Variants in DYNC1H1 observed in about 807,000 individuals in gnomAD.
DYNC1H1 encodes the protein dynein cytoplasmic 1 heavy chain 1.
In DYNC1H1, 51 loss-of-function variants were observed where a neutral mutation model predicts 527.1. That is an observed-to-expected ratio of 0.10 (90% CI 0.08 to 0.12). The LOEUF (loss-of-function observed/expected upper bound fraction) is 0.12. Ranked by LOEUF, DYNC1H1 falls within the 10% of genes least tolerant of loss-of-function variation. DYNC1H1 has a pLI of 1.00. For synonymous variants in DYNC1H1, 2,189 were observed against 2,278.8 expected, an observed-to-expected ratio of 0.96 and a Z score of 1.12; for missense variants, 2,771 against 5,971.8, an observed-to-expected ratio of 0.46 and a Z score of 17.66.
rs746916728 is a variant in DYNC1H1, at chr14:102,047,948, C to T, written c.13138C>T (p.Leu4380=). The T allele has an allele frequency of 3.7e-6, 6 of 1,613,230 alleles. No individual in the cohort carries two copies. The Admixed American group carries it at 1.0e-4, about 27-fold the overall frequency. Residue 4380 remains leucine (L), a synonymous_variant, in exon 73 of 78, where the codon CTG becomes TTG. Coordinates refer to ENST00000360184, the MANE Select transcript of DYNC1H1 (RefSeq NM_001376.5). Reference sequence around the variant, plus strand: ...CGGGCGCCCTGCCTGGATGCGGACACTGCACACCACCGCGTCCAACTGGCT... The same window carrying T: ...CGGGCGCCCTGCCTGGATGCGGACATTGCACACCACCGCGTCCAACTGGCT... ...SDGRPAWMRT[L]HTTASNWLHL...
In DYNC1H1 at chr14:102,029,504, C is replaced by T; in HGVS notation, c.9469-35C>T. On this transcript the variant is annotated intron_variant, in intron 48 of 77. Transcript: ENST00000360184. The surrounding 1 kb of genome is among the most constrained non-coding windows in gnomAD (Gnocchi z 5.3). ...TTCTGAGGTTAAGTCACAGAGTTTC[C>T]TGAAGAGTGAGAAGATGTAACTATT... 2 of 1,613,920 alleles carry T rather than the reference C, an allele frequency of 1.2e-6. No individual in the cohort carries two copies. Among genetic ancestry groups the T allele is most frequent in the South Asian group, 1.1e-5 (1 of 91,038 alleles).
At chr14:101,988,896 CA>C in intron 10 of DYNC1H1, 44 bp downstream of exon 10, 1 of 1,612,526 alleles carries the variant, frequency 6.2e-7, no homozygotes, top group Non-Finnish European at 8.5e-7. Flanking sequence ...AGTGAAATAA[CA>C]AAACTCTCTC....
chr14:102,014,694 A>G (rs1419224318), intron 34 of DYNC1H1, among the ~76,000 whole-genome samples: 4 of 152,134 alleles, frequency 2.6e-5, no homozygotes, highest in Non-Finnish European at 5.9e-5. Flanking sequence ...GAAACCTTAA[A>G]CAAGGTGGTT....
At chr14:102,048,491 T>C in intron 73 of DYNC1H1, 25 bp from the exon 74 acceptor site, 1 of 1,614,140 alleles carries the variant, frequency 6.2e-7, no homozygotes, top group South Asian at 1.1e-5. Flanking sequence ...TCCTAACTTC[T>C]CTTCACCCTT....
chr14:101,985,730 C>A lies in DYNC1H1; in HGVS notation c.1505C>A (p.Pro502His). 1 of 1,614,142 alleles carries A rather than the reference C, an allele frequency of 6.2e-7. No individual in the cohort carries two copies. Among genetic ancestry groups the A allele is most frequent in the Non-Finnish European group, 8.5e-7 (1 of 1,180,040 alleles). Reference protein sequence around the residue: ...AQQNQGEVPEPQDMKVAEVLF... With the variant: ...AQQNQGEVPEHQDMKVAEVLF... ...CAGAATCAAGGAGAGGTCCCTGAAC[C>A]CCAAGATATGAAAGTGGCTGAGGTT... Residue 502 changes from proline (P) to histidine (H), a missense_variant, in exon 8 of 78, where the codon CCC becomes CAC. Pro to His is a moderately conservative substitution (Grantham distance 77). This residue lies in a region of DYNC1H1 where 264 missense variants were observed against 619.4 expected (regional missense o/e 0.43). Coordinates refer to ENST00000360184, the MANE Select transcript of DYNC1H1 (RefSeq NM_001376.5). The surrounding 1 kb of genome is among the most constrained non-coding windows in gnomAD (Gnocchi z 5.9).
intron 29 of DYNC1H1, 128 bp downstream of exon 29, chr14:102,008,465 G>A (rs549583069): frequency 6.9e-6 from 9 of 1,297,396 alleles, no homozygotes; most frequent in South Asian, 6.4e-5. Context: ...GTTACAGGCA[G>A]TGTAGTGAGC....
At chr14:102,034,579 C>G in intron 56 of DYNC1H1, 127 bp downstream of exon 56, 1 of 1,478,110 alleles carries the variant, frequency 6.8e-7, no homozygotes, top group Non-Finnish European at 9.3e-7. Context: ...GTGCTGGCAG[C>G]TTGGTGCTCC....
Position 102,004,507 on chromosome 14 carries a change from T to C in DYNC1H1, c.4884-11T>C. 6.2e-7 allele frequency: 1 copy of C among 1,607,790 alleles called. No individual in the cohort carries two copies. The highest frequency in any genetic ancestry group is 2.2e-5 in the East Asian group (1 of 44,816). ...AATATTTTTGCAACTTGAGTGTTAT[T>C]TTAATTTTAGGTTCTATTTTGTGGG... On this transcript the variant is annotated splice_polypyrimidine_tract_variant and intron_variant, in intron 23 of 77. Coordinates refer to ENST00000360184, the MANE Select transcript of DYNC1H1 (RefSeq NM_001376.5).
At position 102,050,728 on chromosome 14, in the gene DYNC1H1, T is replaced by C; in HGVS notation, c.*165T>C. On this transcript the variant is annotated 3_prime_UTR_variant, in exon 78 of 78. Transcript: ENST00000360184. ...TTGGGAGTGGTGGAAATTGGAAGGA[T>C]ACCAGGAGGTATTTGGGAAGGCCAA... 8.9e-7 allele frequency: 1 copy of C among 1,123,256 alleles called. No individual in the cohort carries two copies. The highest frequency in any genetic ancestry group is 1.3e-6 in the Non-Finnish European group (1 of 776,470). 69.6% of individuals were successfully genotyped at this position (1,123,256 alleles called of 1,614,324 possible).
intron 64 of DYNC1H1, 60 bp downstream of exon 64, chr14:102,040,733 A>C (rs1219209481): frequency 6.3e-7 from 1 of 1,586,356 alleles, no homozygotes; most frequent in Non-Finnish European, 8.7e-7. Flanking sequence ...TTGCTGCTTA[A>C]AGGGATGCTT....
Position 102,036,746 on chromosome 14 carries a change from G to C in DYNC1H1, c.10908+104G>C. On this transcript the variant is annotated intron_variant, in intron 57 of 77. Coordinates refer to ENST00000360184, the MANE Select transcript of DYNC1H1 (RefSeq NM_001376.5). The surrounding 1 kb of genome is among the most constrained non-coding windows in gnomAD (Gnocchi z 5.6). ...CTTTGTAAGACTTCATTTTGTATCAGAAGGATAAAGCTTTGCGGTGGTTCT... is the reference window on the plus strand; with the variant it reads ...CTTTGTAAGACTTCATTTTGTATCACAAGGATAAAGCTTTGCGGTGGTTCT... 1 of 1,422,800 alleles carries C rather than the reference G, an allele frequency of 7.0e-7. No individual in the cohort carries two copies. Among genetic ancestry groups the C allele is most frequent in the South Asian group, 1.2e-5 (1 of 86,522 alleles). 88.1% of individuals were successfully genotyped at this position (1,422,800 alleles called of 1,614,324 possible).
chr14:101,996,231 G>A (rs1400720807), intron 15 of DYNC1H1, among the ~76,000 whole-genome samples: 18 of 147,180 alleles, frequency 1.2e-4, no homozygotes, highest in Non-Finnish European at 1.5e-5. Flanking sequence ...CTAGGTTCAA[G>A]CGATTCTCCT....
At chr14:102,004,057 T>A (rs17512306) in intron 23 of DYNC1H1, among the ~76,000 whole-genome samples, 1 of 151,804 alleles carries the variant, frequency 6.6e-6, no homozygotes, top group East Asian at 2.0e-4. Flanking sequence ...CTGGCTAACA[T>A]GGTGAAACCC....
In DYNC1H1 at chr14:102,016,103, G is replaced by A; in HGVS notation, c.7473+17G>A. ...TACATTCAGGTCAGGGGGCATCAGG[G>A]GCTTCACAGAGCTCACCACTGCGCC... On this transcript the variant is annotated intron_variant, in intron 36 of 77. Coordinates refer to ENST00000360184, the MANE Select transcript of DYNC1H1 (RefSeq NM_001376.5). The surrounding 1 kb of genome is among the most constrained non-coding windows in gnomAD (Gnocchi z 7.3). 2 of 1,590,364 alleles carry A rather than the reference G, an allele frequency of 1.3e-6. No individual in the cohort carries two copies. Among genetic ancestry groups the A allele is most frequent in the Non-Finnish European group, 1.7e-6 (2 of 1,169,256 alleles).
chr14:102,026,070 G>A (rs1282009473), intron 43 of DYNC1H1, among the ~76,000 whole-genome samples: 4 of 148,868 alleles, frequency 2.7e-5, no homozygotes, highest in African/African-American at 9.9e-5. Flanking sequence ...AGCTGAGATC[G>A]TGCCACAGCA....
Position 101,975,698 on chromosome 14 carries a change from A to T in DYNC1H1, c.257-14A>T. ...ATGTTGATATTAATTTGATATATTTATTATGATTTGTAGAGGACGTCGGTG... is the reference window on the plus strand; with the variant it reads ...ATGTTGATATTAATTTGATATATTTTTTATGATTTGTAGAGGACGTCGGTG... On this transcript the variant is annotated splice_polypyrimidine_tract_variant and intron_variant, in intron 1 of 77. Coordinates refer to ENST00000360184, the MANE Select transcript of DYNC1H1 (RefSeq NM_001376.5). 2 of 1,602,584 alleles carry T rather than the reference A, an allele frequency of 1.2e-6. No individual in the cohort carries two copies. Among genetic ancestry groups the T allele is most frequent in the Non-Finnish European group, 1.7e-6 (2 of 1,169,770 alleles).
In DYNC1H1 at chr14:102,039,819, T is replaced by C. The variant is rs1385493055; in HGVS notation, c.11690+87T>C. Reference sequence around the variant, plus strand: ...ATCAGATACATGCTTTTATTATTTCTTTTATTTTCTCTTTTATTTTCTTTA... The same window carrying C: ...ATCAGATACATGCTTTTATTATTTCCTTTATTTTCTCTTTTATTTTCTTTA... On this transcript the variant is annotated intron_variant, in intron 62 of 77. Transcript: ENST00000360184. The surrounding 1 kb of genome is among the most constrained non-coding windows in gnomAD (Gnocchi z 7.0). 1.4e-6 allele frequency: 2 copies of C among 1,399,928 alleles called. No homozygotes were observed. The highest frequency in any genetic ancestry group is 4.8e-5 in the East Asian group (2 of 41,372). 86.7% of individuals were successfully genotyped at this position (1,399,928 alleles called of 1,614,324 possible). A position where few individuals can be genotyped will look rare whatever the true frequency, so the allele number is the denominator to read the frequency against.
In DYNC1H1 at chr14:102,052,077, C is replaced by T. The variant is rs1056947761; in HGVS notation, c.*1514C>T. ...TCCTGGCATTAAGGGCTCCTCCTATCTCAGCCTCTCAAAGTGCCGGGGTTC... is the reference window on the plus strand; with the variant it reads ...TCCTGGCATTAAGGGCTCCTCCTATTTCAGCCTCTCAAAGTGCCGGGGTTC... On this transcript the variant is annotated 3_prime_UTR_variant, in exon 78 of 78. Coordinates refer to ENST00000360184, the MANE Select transcript of DYNC1H1 (RefSeq NM_001376.5). 2.6e-5 allele frequency: 4 copies of T among 152,220 alleles called. No individual in the cohort carries two copies. Among genetic ancestry groups the T allele is most frequent in the Admixed American group, 2.0e-4 (3 of 15,276 alleles). The allele number at this position is 152,220 out of a possible 1,614,324, so 9.4% of individuals were successfully genotyped here. A position where few individuals can be genotyped will look rare whatever the true frequency, so the allele number is the denominator to read the frequency against.
intron 76 of DYNC1H1, 41 bp from the exon 77 acceptor site, chr14:102,050,030 T>C (rs1052089189): frequency 2.5e-6 from 4 of 1,614,156 alleles, no homozygotes; most frequent in East Asian, 2.2e-5. Context: ...TGTGTAGCTG[T>C]TGTGTTCACC....
Sources: gnomAD v4.1 joint callset for allele counts (sites outside exome capture counted in the v4.1 genomes callset) on GRCh38, gnomAD v4.1.1 for gene constraint, gnomAD v4.1.1 regional missense constraint, Gnocchi (gnomAD v3.1) non-coding constraint, MANE v1.5 for transcripts, NCBI Gene and HGNC (gene_info 2026-07-23, HGNC 2026-07-21) for gene names.